The following NXPH1 variants were observed in gnomAD, a reference collection of about 807,000 sequenced individuals.
The protein encoded by NXPH1 is neurexophilin 1.
NXPH1 carries 5 observed loss-of-function variants against 23.7 expected under a neutral mutation model. That is an observed-to-expected ratio of 0.21 (90% CI 0.11 to 0.44). NXPH1 has a LOEUF of 0.44. Ranked by LOEUF, NXPH1 falls within the 20% of genes least tolerant of loss-of-function variation. The pLI is 0.99. For synonymous variants in NXPH1, 144 were observed against 122.2 expected (o/e 1.18, Z -1.18); for missense variants, 324 against 321.6 (o/e 1.01, Z -0.06).
intron 2 of NXPH1, among the ~76,000 whole-genome samples, chr7:8,634,312 C>T (rs911759032): frequency 6.6e-6 from 1 of 152,140 alleles, no homozygotes; most frequent in African/African-American, 2.4e-5. Flanking sequence ...TGCCTGCAGC[C>T]ATGTAAGAGG....
chr7:8,682,980 G>A (rs533213065), intron 2 of NXPH1, among the ~76,000 whole-genome samples: 3 of 152,288 alleles, frequency 2.0e-5, no homozygotes, highest in South Asian at 2.1e-4. Flanking sequence ...CTAACTAGCT[G>A]GGTATATTTT....
chr7:8,747,057 T>C (rs1419004066), intron 2 of NXPH1, among the ~76,000 whole-genome samples: 1 of 152,156 alleles, frequency 6.6e-6, no homozygotes, highest in Non-Finnish European at 1.5e-5. Context: ...CCAGGTACTG[T>C]CCTTAGTAAT....
chr7:8,498,487 C>A (rs572630322), intron 2 of NXPH1, among the ~76,000 whole-genome samples: 2 of 151,982 alleles, frequency 1.3e-5, no homozygotes, highest in Admixed American at 6.6e-5. Context: ...ATAGACCCAG[C>A]CTTGGATGAA....
At chr7:8,721,161 A>G (rs1201729808) in intron 2 of NXPH1, among the ~76,000 whole-genome samples, 1 of 152,170 alleles carries the variant, frequency 6.6e-6, no homozygotes, top group Non-Finnish European at 1.5e-5. Context: ...CTTAGGGTCT[A>G]CTCCAGGACC....
chr7:8,524,825 T>A (rs1342595404), intron 2 of NXPH1, among the ~76,000 whole-genome samples: 1 of 152,212 alleles, frequency 6.6e-6, no homozygotes, highest in East Asian at 1.9e-4. Context: ...CCAACCATGA[T>A]TCTAAGGCCT....
In NXPH1 at chr7:8,616,383, C is replaced by G. The variant is rs547841046; in HGVS notation, c.55-134625C>G. On this transcript the variant is annotated intron_variant, in intron 2 of 2. Coordinates refer to ENST00000405863, the MANE Select transcript of NXPH1 (RefSeq NM_152745.3). ...GTCTCTATCAGGACTCCTCATTGCC[C>G]TTATGCTGTATTTATCACCATCCCA... is the stretch of plus-strand genomic sequence containing the variant. Among the ~76,000 whole-genome samples the G allele has an allele frequency of 1.6e-4, 25 of 152,154 alleles. 1 individual carries two copies. In the South Asian group the frequency reaches 5.2e-3, roughly 32 times the overall value.
intron 2 of NXPH1, among the ~76,000 whole-genome samples, chr7:8,619,016 G>T (rs1355072887): frequency 6.6e-6 from 1 of 152,184 alleles, no homozygotes; most frequent in African/African-American, 2.4e-5. Flanking sequence ...AGCAGGAAAA[G>T]TTTAGTATGT....
intron 2 of NXPH1, among the ~76,000 whole-genome samples, chr7:8,705,324 C>T (rs907055243): frequency 6.6e-6 from 1 of 152,140 alleles, no homozygotes; most frequent in African/African-American, 2.4e-5. Context: ...ACTCAAACGG[C>T]AACTGTCAGG....
At chr7:8,523,380 T>TA (rs773829267) in intron 2 of NXPH1, among the ~76,000 whole-genome samples, 43 of 152,236 alleles carry the variant, frequency 2.8e-4, no homozygotes, top group Non-Finnish European at 4.7e-4. Context: ...TGAAAATTCT[T>TA]AGAGTCTTTT....
At chr7:8,579,484 T>A (rs1056474125) in intron 2 of NXPH1, among the ~76,000 whole-genome samples, 19 of 151,962 alleles carry the variant, frequency 1.3e-4, no homozygotes, top group African/African-American at 4.3e-4. Flanking sequence ...GCAATTCTCC[T>A]GCTTCAGTCT....
intron 2 of NXPH1, among the ~76,000 whole-genome samples, chr7:8,633,738 G>C (rs900468983): frequency 1.1e-4 from 16 of 152,174 alleles, no homozygotes; most frequent in African/African-American, 3.9e-4. Context: ...TCATCAAGCT[G>C]AACCTTGCAT....
intron 2 of NXPH1, among the ~76,000 whole-genome samples, chr7:8,594,713 C>T (rs1819180194): frequency 6.6e-6 from 1 of 151,928 alleles, no homozygotes; most frequent in Admixed American, 6.6e-5. Context: ...AGTTATATTT[C>T]TTTGGAAGTC....
chr7:8,517,475 G>T (rs963155382), intron 2 of NXPH1, among the ~76,000 whole-genome samples: 6 of 152,110 alleles, frequency 3.9e-5, no homozygotes, highest in Admixed American at 6.5e-5. Context: ...TGTTTCTGGG[G>T]GAGCCCATCT....
intron 2 of NXPH1, among the ~76,000 whole-genome samples, chr7:8,723,660 C>T (rs559756649): frequency 6.6e-6 from 1 of 152,266 alleles, no homozygotes; most frequent in Non-Finnish European, 1.5e-5. Flanking sequence ...GATTACAATA[C>T]AAACACCTTT....
At chr7:8,619,011 GA>G (rs1312768552) in intron 2 of NXPH1, among the ~76,000 whole-genome samples, 1 of 152,110 alleles carries the variant, frequency 6.6e-6, no homozygotes, top group African/African-American at 2.4e-5. Context: ...TTTTAAGCAG[GA>G]AAAGTTTAGT....
At chr7:8,503,133 C>G (rs559831589) in intron 2 of NXPH1, among the ~76,000 whole-genome samples, 1 of 152,006 alleles carries the variant, frequency 6.6e-6, no homozygotes. Context: ...TATTTGTGCA[C>G]AACAGACAAC....
At chr7:8,709,003 C>A (rs949488360) in intron 2 of NXPH1, among the ~76,000 whole-genome samples, 1 of 152,050 alleles carries the variant, frequency 6.6e-6, no homozygotes, top group East Asian at 1.9e-4. Context: ...GACACCATGA[C>A]CAAATAGTGT....
chr7:8,504,482 A>G (rs1584198033), intron 2 of NXPH1, among the ~76,000 whole-genome samples: 1 of 151,842 alleles, frequency 6.6e-6, no homozygotes, highest in Non-Finnish European at 1.5e-5. Flanking sequence ...AGAACAGGGA[A>G]CTCACCTATG....
At chr7:8,449,194 G>T (rs1816460847) in intron 2 of NXPH1, among the ~76,000 whole-genome samples, 1 of 152,194 alleles carries the variant, frequency 6.6e-6, no homozygotes, top group South Asian at 2.1e-4. Context: ...CTCCCTGGAA[G>T]GACTTGTCGA....
Sources: gnomAD v4.1 joint callset for allele counts (sites outside exome capture counted in the v4.1 genomes callset) on GRCh38, gnomAD v4.1.1 for gene constraint, MANE v1.5 for transcripts, NCBI Gene and HGNC (gene_info 2026-07-23, HGNC 2026-07-21) for gene names.